ZNF398: variants seen among roughly 807,000 people sequenced by gnomAD.
ZNF398 encodes the protein zinc finger DNA binding protein ZER6.
Under a neutral mutation model 41.9 loss-of-function variants are expected in ZNF398, and 18 were observed. The ratio of observed to expected loss-of-function variants is 0.43; its 90% CI spans 0.30 to 0.64. The LOEUF (loss-of-function observed/expected upper bound fraction) is 0.64. Ranked by LOEUF, ZNF398 falls within the 30% of genes least tolerant of loss-of-function variation. The pLI, the probability that ZNF398 is intolerant of heterozygous loss-of-function variation, is 0.14. For synonymous variants in ZNF398, 260 were observed against 308.8 expected (o/e 0.84, Z 1.66); for missense variants, 669 against 822.8 (o/e 0.81, Z 2.29).
chr7:149,171,009 A>AT (rs768326176), intron 4 of ZNF398, among the ~76,000 whole-genome samples: 3 of 123,942 alleles, frequency 2.4e-5, no homozygotes, highest in African/African-American at 1.1e-4. Flanking sequence ...ACGCCCGGCT[A>AT]ATTTTTTTTT....
intron 2 of ZNF398, among the ~76,000 whole-genome samples, chr7:149,165,710 T>C (rs1198403854): frequency 1.3e-5 from 2 of 152,054 alleles, no homozygotes; most frequent in Non-Finnish European, 2.9e-5. Flanking sequence ...ATGAACAGCA[T>C]CAAAGGGAAC....
At chr7:149,169,398 T>A (rs1025593297) in intron 4 of ZNF398, among the ~76,000 whole-genome samples, 1 of 152,164 alleles carries the variant, frequency 6.6e-6, no homozygotes, top group Admixed American at 6.5e-5. Flanking sequence ...TATTTTCTGT[T>A]GGTTGATCAA....
chr7:149,173,222 G>A (rs762666671), intron 4 of ZNF398, among the ~76,000 whole-genome samples: 14 of 144,970 alleles, frequency 9.7e-5, no homozygotes, highest in Non-Finnish European at 1.8e-4. Flanking sequence ...CTCTTGCCCC[G>A]GCCTCCTGAG....
At chr7:149,145,825 C>G (rs1488053811), upstream of ZNF398, among the ~76,000 whole-genome samples, 1 of 152,100 alleles carries the variant, frequency 6.6e-6, no homozygotes, top group Non-Finnish European at 1.5e-5. Context: ...CTGCTGCAAC[C>G]TGGTGTCTCT....
chr7:149,169,768 TAA>T (rs952798350), intron 4 of ZNF398, among the ~76,000 whole-genome samples: 8 of 151,292 alleles, frequency 5.3e-5, no homozygotes, highest in African/African-American at 1.9e-4. Flanking sequence ...CTTGTTTTCT[TAA>T]AAAAAAATAT....
intron 2 of ZNF398, among the ~76,000 whole-genome samples, chr7:149,142,426 G>T (rs1041847449): frequency 1.2e-4 from 18 of 152,214 alleles, no homozygotes; most frequent in African/African-American, 3.6e-4. Flanking sequence ...CCAGCACTTT[G>T]GGAGGCCGAG....
intron 1 of ZNF398, among the ~76,000 whole-genome samples, chr7:149,153,093 A>G (rs997114537): frequency 2.0e-5 from 3 of 151,846 alleles, no homozygotes; most frequent in Non-Finnish European, 2.9e-5. Context: ...TCCCAAGCTC[A>G]GGTGATCTGC....
chr7:149,174,037 G>A (rs796812369), intron 4 of ZNF398, among the ~76,000 whole-genome samples: 76 of 151,780 alleles, frequency 5.0e-4, no homozygotes, highest in African/African-American at 1.8e-3. Flanking sequence ...CAGGTGATCC[G>A]CCCGCCTTGG....
intron 2 of ZNF398, among the ~76,000 whole-genome samples, chr7:149,134,792 G>T (rs1029368511): frequency 2.0e-5 from 3 of 152,072 alleles, no homozygotes; most frequent in African/African-American, 7.2e-5. Context: ...ATGCAGTGGC[G>T]CAATCTTGGC....
intron 2 of ZNF398, among the ~76,000 whole-genome samples, chr7:149,132,594 G>A (rs998188134): frequency 1.4e-4 from 21 of 152,014 alleles, no homozygotes; most frequent in African/African-American, 3.9e-4. Context: ...TTGAGGAGGC[G>A]GTGTCTGATT....
intron 2 of ZNF398, among the ~76,000 whole-genome samples, chr7:149,165,286 A>G (rs1795203944): frequency 6.6e-6 from 1 of 152,204 alleles, no homozygotes; most frequent in African/African-American, 2.4e-5. Flanking sequence ...GAGAAAGTCT[A>G]ACTAGAAGTC....
intron 2 of ZNF398, among the ~76,000 whole-genome samples, chr7:149,155,707 A>ATATATATTT (rs1794954712): frequency 1.4e-5 from 1 of 73,578 alleles, no homozygotes; most frequent in Non-Finnish European, 2.4e-5. Flanking sequence ...ATATATATAT[A>ATATATATTT]TTTTTTTTTT....
At chr7:149,166,044 T>C in intron 2 of ZNF398, 114 bp from the exon 3 acceptor site, 1 of 1,192,858 alleles carries the variant, frequency 8.4e-7, no homozygotes, top group Non-Finnish European at 1.2e-6. Flanking sequence ...ATTTAGAATA[T>C]TTATTGACCA....
At chr7:149,162,328 C>G (rs2129520870) in intron 2 of ZNF398, among the ~76,000 whole-genome samples, 1 of 152,200 alleles carries the variant, frequency 6.6e-6, no homozygotes, top group Non-Finnish European at 1.5e-5. Flanking sequence ...ACTACAGGCG[C>G]CTGCCACCAC....
Position 149,178,596 on chromosome 7 carries a change from T to C in ZNF398, c.776-52T>C, listed in dbSNP as rs372719104. 120 of 1,479,500 alleles carry C rather than the reference T, an allele frequency of 8.1e-5. No individual in the cohort carries two copies. In the African/African-American group the frequency reaches 1.6e-3, roughly 19 times the overall value. The allele number at this position is 1,479,500 out of a possible 1,614,324, so 91.6% of individuals were successfully genotyped here. On this transcript the variant is annotated intron_variant, in intron 5 of 5. Coordinates refer to ENST00000475153, the MANE Select transcript of ZNF398 (RefSeq NM_170686.3). ...AGAGCTGGGTAGGAATGCATGAGAGTTGCTAGTGAGACAGTTATTGATGGG... is the reference window on the plus strand; with the variant it reads ...AGAGCTGGGTAGGAATGCATGAGAGCTGCTAGTGAGACAGTTATTGATGGG...
chr7:149,167,856 C>A (rs190442604), intron 4 of ZNF398, among the ~76,000 whole-genome samples: 97 of 152,072 alleles, frequency 6.4e-4, no homozygotes, highest in African/African-American at 2.1e-3. Context: ...CGTGATCCAC[C>A]CGCCTCGGCC....
intron 4 of ZNF398, among the ~76,000 whole-genome samples, chr7:149,167,398 C>T (rs997979017): frequency 5.3e-5 from 8 of 152,152 alleles, no homozygotes; most frequent in Non-Finnish European, 8.8e-5. Flanking sequence ...ATCATGAACT[C>T]TTCCTAACTT....
chr7:149,142,318 C>A (rs189747196), intron 2 of ZNF398, among the ~76,000 whole-genome samples: 163 of 151,972 alleles, frequency 1.1e-3, no homozygotes, highest in Admixed American at 3.2e-3. Flanking sequence ...TCTTATATAC[C>A]AGATATATAC....
At chr7:149,144,496 A>G (rs761309491), upstream of ZNF398, among the ~76,000 whole-genome samples, 11 of 151,984 alleles carry the variant, frequency 7.2e-5, no homozygotes, top group Non-Finnish European at 1.6e-4. Context: ...TTTTATGGAG[A>G]CAGGGTCCCA....
Sources: allele counts gnomAD v4.1 joint callset (sites outside exome capture counted in the v4.1 genomes callset), GRCh38; gene constraint gnomAD v4.1.1; transcripts MANE v1.5; gene names NCBI Gene and HGNC (gene_info 2026-07-23, HGNC 2026-07-21).